DAB1: variants seen among roughly 807,000 people sequenced by gnomAD.
The protein encoded by DAB1 is disabled homolog 1.
Under a neutral mutation model 64.6 loss-of-function variants are expected in DAB1, and 15 were observed. That is an observed-to-expected ratio of 0.23 (90% CI 0.16 to 0.36). The LOEUF (loss-of-function observed/expected upper bound fraction) is 0.36. Among genes scored for constraint, DAB1 ranks in the 10% least tolerant of loss-of-function variants. The probability of loss-of-function intolerance (pLI) is 1.00; values close to 1 mark genes in which losing one functional copy is unlikely to be tolerated. For synonymous variants in DAB1, 235 were observed against 251.9 expected (o/e 0.93, Z 0.64); for missense variants, 596 against 706.7 (o/e 0.84, Z 1.78).
intron 5 of DAB1, among the ~76,000 whole-genome samples, chr1:57,967,517 A>G (rs570685304): frequency 1.7e-3 from 254 of 152,224 alleles, no homozygotes; most frequent in African/African-American, 6.1e-3. Context: ...TGTTCCTACG[A>G]AGCTCTTGAA....
intron 4 of DAB1, among the ~76,000 whole-genome samples, chr1:58,164,950 G>A (rs184686217): frequency 1.3e-5 from 2 of 152,246 alleles, no homozygotes; most frequent in Admixed American, 6.5e-5. Flanking sequence ...TTAAAAAAAT[G>A]TTAGCAATAT....
At chr1:57,257,901 T>C (rs1669886722) in intron 2 of DAB1, among the ~76,000 whole-genome samples, 1 of 152,194 alleles carries the variant, frequency 6.6e-6, no homozygotes, top group African/African-American at 2.4e-5. Context: ...AAAGAACACT[T>C]GTGACTGCAT....
intron 4 of DAB1, among the ~76,000 whole-genome samples, chr1:58,210,306 A>AAGCTGG (rs1160112549): frequency 6.6e-6 from 1 of 152,192 alleles, no homozygotes; most frequent in Non-Finnish European, 1.5e-5. Flanking sequence ...AAAGGCACAG[A>AAGCTGG]AGCTGGAATT....
At chr1:57,230,687 A>ATG (rs1259331749) in intron 2 of DAB1, among the ~76,000 whole-genome samples, 1 of 151,996 alleles carries the variant, frequency 6.6e-6, no homozygotes, top group Non-Finnish European at 1.5e-5. Flanking sequence ...TGACACATAT[A>ATG]TATAATGTGT....
At chr1:57,587,376 T>C (rs1645392983) in intron 7 of DAB1, among the ~76,000 whole-genome samples, 1 of 152,132 alleles carries the variant, frequency 6.6e-6, no homozygotes, top group South Asian at 2.1e-4. Flanking sequence ...TCCCAACCAT[T>C]AGGTAATTTA....
intron 4 of DAB1, among the ~76,000 whole-genome samples, chr1:58,280,418 C>T (rs924601839): frequency 3.3e-5 from 5 of 152,172 alleles, no homozygotes; most frequent in African/African-American, 9.7e-5. Context: ...TTCAGCCACC[C>T]GAGACCTTGG....
intron 6 of DAB1, among the ~76,000 whole-genome samples, chr1:57,732,641 T>C (rs1647489938): frequency 6.6e-6 from 1 of 152,134 alleles, no homozygotes. Context: ...TCATCACCTG[T>C]GTGTCAGGTT....
intron 1 of DAB1, among the ~76,000 whole-genome samples, chr1:57,327,442 G>A (rs774842513): frequency 6.6e-5 from 10 of 152,106 alleles, no homozygotes; most frequent in Non-Finnish European, 1.2e-4. Context: ...TAATTTTCCC[G>A]AGTGTGTGAA....
chr1:58,058,019 C>T (rs189533472), intron 5 of DAB1, among the ~76,000 whole-genome samples: 1 of 152,132 alleles, frequency 6.6e-6, no homozygotes. Flanking sequence ...ATCACAACAC[C>T]TATCACATTG....
rs114612135 is a variant in DAB1, at chr1:58,397,147, G to A, written n.258-53744C>T. Among the ~76,000 whole-genome samples, 1,073 of 152,166 alleles carry A rather than the reference G, an allele frequency of 7.1e-3. 6 individuals carry two copies. Among genetic ancestry groups the A allele is most frequent in the African/African-American group, 0.024 (1,001 of 41,518 alleles). ...AAAGGGAGAGAGGGAGGGAGAGAGCGGGGTGGGAGGAAAGCGGTAACACTC... is the reference window on the plus strand; with the variant it reads ...AAAGGGAGAGAGGGAGGGAGAGAGCAGGGTGGGAGGAAAGCGGTAACACTC... On this transcript the variant is annotated intron_variant and non_coding_transcript_variant, in intron 3 of 20. Transcript: ENST00000485760.
At chr1:58,352,378 A>G (rs2100516464) in intron 3 of DAB1, among the ~76,000 whole-genome samples, 1 of 152,266 alleles carries the variant, frequency 6.6e-6, no homozygotes, top group African/African-American at 2.4e-5. Flanking sequence ...ATGTATATTG[A>G]ATATTTTAAA....
chr1:57,417,860 T>C (rs1001172053), intron 1 of DAB1, among the ~76,000 whole-genome samples: 1 of 152,210 alleles, frequency 6.6e-6, no homozygotes, highest in African/African-American at 2.4e-5. Context: ...CATGCTTGCA[T>C]GACTTTGTCC....
At position 57,386,386 on chromosome 1, in the gene DAB1, A is replaced by AAAAAAAG. The variant is rs548332875; in HGVS notation, c.-137+37543_-137+37544insCTTTTTT. On this transcript the variant is annotated intron_variant, in intron 1 of 14. Transcript: ENST00000371236. ...CTTGGGAAAAAAAAAAAAAAAAAAA[A>AAAAAAAG]ACCCGTCTTTTTCATCTCCATAAAC... Among the ~76,000 whole-genome samples, 1,291 of 143,896 alleles carry AAAAAAAG rather than the reference A, an allele frequency of 9.0e-3. 26 individuals carry two copies. The highest frequency in any genetic ancestry group is 0.018 in the African/African-American group (683 of 37,744). 94.4% of individuals were successfully genotyped at this position (143,896 alleles called of 152,430 possible). A position where few individuals can be genotyped will look rare whatever the true frequency, so the allele number is the denominator to read the frequency against.
At chr1:57,289,474 C>T (rs955375502) in intron 2 of DAB1, among the ~76,000 whole-genome samples, 1 of 152,118 alleles carries the variant, frequency 6.6e-6, no homozygotes, top group Middle Eastern at 3.2e-3. Flanking sequence ...TATTCTTAGA[C>T]CATGATGCAT....
chr1:57,941,443 A>G (rs1368365858), intron 5 of DAB1, among the ~76,000 whole-genome samples: 2 of 152,244 alleles, frequency 1.3e-5, no homozygotes, highest in Non-Finnish European at 1.5e-5. Flanking sequence ...TATCTCCAAC[A>G]GCTGTTATAA....
intron 3 of DAB1, among the ~76,000 whole-genome samples, chr1:58,460,674 G>A (rs1645235219): frequency 6.6e-6 from 1 of 152,304 alleles, no homozygotes; most frequent in South Asian, 2.1e-4. Flanking sequence ...GTGTGTAGCT[G>A]TCCGTAGTCC....
At chr1:58,297,245 T>C (rs1174393850) in intron 4 of DAB1, among the ~76,000 whole-genome samples, 1 of 152,160 alleles carries the variant, frequency 6.6e-6, no homozygotes, top group Non-Finnish European at 1.5e-5. Context: ...AGTGAGAACG[T>C]GTATAATTAA....
At chr1:58,390,368 A>C (rs969219337) in intron 3 of DAB1, among the ~76,000 whole-genome samples, 6 of 152,060 alleles carry the variant, frequency 3.9e-5, no homozygotes, top group Non-Finnish European at 8.8e-5. Flanking sequence ...GTTTCACTTG[A>C]GTTTAATTAC....
intron 7 of DAB1, among the ~76,000 whole-genome samples, chr1:57,431,156 AAG>A (rs1685498188): frequency 6.6e-6 from 1 of 151,224 alleles, no homozygotes; most frequent in African/African-American, 2.4e-5. Context: ...AAAAAAAAAA[AAG>A]AAAAACAAAA....
Sources: gnomAD v4.1 joint callset for allele counts (sites outside exome capture counted in the v4.1 genomes callset) on GRCh38, gnomAD v4.1.1 for gene constraint, MANE v1.5 for transcripts, NCBI Gene and HGNC (gene_info 2026-07-23, HGNC 2026-07-21) for gene names.